Variants in CDC25C observed in about 807,000 individuals in gnomAD.
The protein encoded by CDC25C is cell division cycle 25C.
A neutral mutation model predicts 52.5 loss-of-function variants in CDC25C; 48 were observed. The ratio of observed to expected loss-of-function variants is 0.91; its 90% CI spans 0.72 to 1.16. The LOEUF is 1.16. CDC25C is among the 50% of genes most tolerant of loss of function. The probability of loss-of-function intolerance (pLI) is 0.00; values close to 1 mark genes in which losing one functional copy is unlikely to be tolerated. For synonymous variants in CDC25C, 187 were observed against 206.5 expected (o/e 0.91, Z 0.81); for missense variants, 510 against 566.1 (o/e 0.90, Z 1.01).
At chr5:138,322,237 G>C (rs988202734) in intron 6 of CDC25C, among the ~76,000 whole-genome samples, 3 of 151,546 alleles carry the variant, frequency 2.0e-5, no homozygotes, top group Non-Finnish European at 4.4e-5. Flanking sequence ...TCCTGACCTT[G>C]TGATCCGCCT....
intron 7 of CDC25C, among the ~76,000 whole-genome samples, chr5:138,296,906 CTTTT>C (rs1300029259): frequency 7.5e-5 from 6 of 80,166 alleles, no homozygotes; most frequent in African/African-American, 2.5e-4. Flanking sequence ...CGCCCGGCCA[CTTTT>C]TTTTTTTTTT....
At chr5:138,289,389 C>T in intron 10 of CDC25C, 112 bp downstream of exon 10, 1 of 756,072 alleles carries the variant, frequency 1.3e-6, no homozygotes, top group Admixed American at 2.1e-5. Flanking sequence ...AATAAGGAGC[C>T]TGTGTGAGTG....
intron 7 of CDC25C, among the ~76,000 whole-genome samples, chr5:138,295,339 G>A (rs891928293): frequency 2.0e-5 from 3 of 152,178 alleles, no homozygotes; most frequent in African/African-American, 7.2e-5. Flanking sequence ...GGCCAGGCAT[G>A]GTAGCTCACA....
At chr5:138,315,438 G>A (rs1758804624) in intron 7 of CDC25C, among the ~76,000 whole-genome samples, 2 of 152,094 alleles carry the variant, frequency 1.3e-5, no homozygotes, top group Admixed American at 1.3e-4. Context: ...GAGGACTACT[G>A]TATTACAAAC....
intron 9 of CDC25C, among the ~76,000 whole-genome samples, chr5:138,290,311 C>T (rs1344209819): frequency 6.6e-6 from 1 of 152,072 alleles, no homozygotes; most frequent in African/African-American, 2.4e-5. Flanking sequence ...AGCAATATTA[C>T]CCTGGTTAAT....
rs1756263266 is a variant in CDC25C at position 138,286,632 on chromosome 5, T to C, written c.1027-2A>G. On this transcript the variant is annotated splice_acceptor_variant, in intron 11 of 13. Coordinates refer to ENST00000323760, the MANE Select transcript of CDC25C (RefSeq NM_001790.5). LOFTEE classifies it high-confidence loss of function. The stretch of plus-strand genomic sequence containing the variant: ...CTGACTATATAAGTTTAAGGCTCCC[T>C]GTAGAAGAAGAATTTTAGTAAGTAT... 1 of 1,607,092 alleles carries C rather than the reference T, an allele frequency of 6.2e-7. No homozygotes were observed. Among genetic ancestry groups the C allele is most frequent in the Non-Finnish European group, 8.5e-7 (1 of 1,176,794 alleles).
At chr5:138,296,341 T>C (rs1308741067) in intron 7 of CDC25C, among the ~76,000 whole-genome samples, 2 of 152,112 alleles carry the variant, frequency 1.3e-5, no homozygotes, top group South Asian at 2.1e-4. Context: ...GTTCAAGCGA[T>C]TCCCCTGCCT....
upstream of CDC25C, chr5:138,335,576 A>C (rs1471587869): frequency 1.3e-5 from 2 of 152,260 alleles, no homozygotes; most frequent in African/African-American, 2.4e-5. Flanking sequence ...GCAGTGGCTC[A>C]AGAACAAAAG....
chr5:138,338,154 A>G (rs747317530), exon 1 of CDC25C: 3 of 1,289,628 alleles, frequency 2.3e-6, no homozygotes, highest in Non-Finnish European at 3.0e-6. Flanking sequence ...TGCGCCCTCC[A>G]TGGGTGGCTT....
chr5:138,286,755 AGGGCAGG>A (rs975131432), intron 11 of CDC25C, 125 bp from the exon 12 acceptor site: 3 of 799,584 alleles, frequency 3.8e-6, no homozygotes, highest in Non-Finnish European at 5.9e-6. Flanking sequence ...AAGCACCTTT[AGGGCAGG>A]GGTCTAAGTA....
intron 7 of CDC25C, among the ~76,000 whole-genome samples, chr5:138,308,104 A>G (rs1463738145): frequency 1.3e-5 from 2 of 152,094 alleles, no homozygotes. Context: ...CCCACCTCTT[A>G]CTTCCTACTG....
chr5:138,306,685 A>G (rs922946042), intron 7 of CDC25C, among the ~76,000 whole-genome samples: 1 of 151,852 alleles, frequency 6.6e-6, no homozygotes, highest in African/African-American at 2.4e-5. Context: ...CATGTTGGCC[A>G]GGCTGGTCTC....
At chr5:138,313,995 C>CTTTCTTTCTTT (rs1554117939) in intron 7 of CDC25C, among the ~76,000 whole-genome samples, 4 of 112,676 alleles carry the variant, frequency 3.6e-5, no homozygotes, top group Non-Finnish European at 7.2e-5. Flanking sequence ...TTCTTTCTTT[C>CTTTCTTTCTTT]TTTTTTTTTT....
chr5:138,303,124 C>T (rs1223035610), intron 7 of CDC25C, among the ~76,000 whole-genome samples: 1 of 152,072 alleles, frequency 6.6e-6, no homozygotes, highest in Non-Finnish European at 1.5e-5. Flanking sequence ...TCCTGGCAAA[C>T]TAGGAAATAG....
At chr5:138,302,046 C>G (rs1428373240) in intron 7 of CDC25C, among the ~76,000 whole-genome samples, 1 of 143,950 alleles carries the variant, frequency 6.9e-6, no homozygotes. Flanking sequence ...CCAGGATGGA[C>G]TGCAGTGGCA....
intron 4 of CDC25C, among the ~76,000 whole-genome samples, chr5:138,326,577 G>A (rs1054553627): frequency 6.6e-6 from 1 of 152,020 alleles, no homozygotes; most frequent in African/African-American, 2.4e-5. Flanking sequence ...TCCTGACCTC[G>A]TGATCCGCCC....
chr5:138,310,358 A>G (rs905889742), intron 7 of CDC25C, among the ~76,000 whole-genome samples: 2 of 152,164 alleles, frequency 1.3e-5, no homozygotes, highest in Non-Finnish European at 2.9e-5. Flanking sequence ...GGCTTTTAGT[A>G]ATTCCACAGT....
upstream of CDC25C, chr5:138,336,870 T>A (rs1204091978): frequency 6.6e-6 from 1 of 152,126 alleles, no homozygotes; most frequent in Non-Finnish European, 1.5e-5. Flanking sequence ...CTACTCTTTT[T>A]CAGTTTGTAG....
At chr5:138,288,744 T>C (rs1756469114) in intron 10 of CDC25C, among the ~76,000 whole-genome samples, 1 of 152,174 alleles carries the variant, frequency 6.6e-6, no homozygotes, top group African/African-American at 2.4e-5. Context: ...CTAGTGGTTA[T>C]CTCTGGTGAT....
Sources: allele counts gnomAD v4.1 joint callset (sites outside exome capture counted in the v4.1 genomes callset), GRCh38; gene constraint gnomAD v4.1.1; transcripts MANE v1.5; gene names NCBI Gene and HGNC (gene_info 2026-07-23, HGNC 2026-07-21).